The following GPC5 variants were observed in gnomAD, a reference collection of about 807,000 sequenced individuals.
GPC5 encodes glypican-5.
A neutral mutation model predicts 53.9 loss-of-function variants in GPC5; 47 were observed. The ratio of observed to expected loss-of-function variants is 0.87; its 90% CI spans 0.69 to 1.11. The LOEUF is 1.11. GPC5 is among the 50% of genes most tolerant of loss of function. The pLI is 0.00. For missense variants in GPC5, 748 were observed against 713.1 expected (o/e 1.05, Z -0.56); for synonymous variants, 286 against 263.3 (o/e 1.09, Z -0.84).
intron 7 of GPC5, among the ~76,000 whole-genome samples, chr13:92,348,308 G>A (rs936242097): frequency 2.0e-5 from 3 of 151,656 alleles, no homozygotes; most frequent in Admixed American, 1.3e-4. Context: ...AAAAAGAAAA[G>A]CTCAAAAACT....
At chr13:92,422,455 G>T (rs1876607651) in intron 7 of GPC5, among the ~76,000 whole-genome samples, 1 of 150,240 alleles carries the variant, frequency 6.7e-6, no homozygotes, top group Admixed American at 6.7e-5. Flanking sequence ...CAAATTTTAT[G>T]AGATCTTTCT....
At chr13:91,508,148 C>T (rs1221327269) in intron 2 of GPC5, among the ~76,000 whole-genome samples, 1 of 152,036 alleles carries the variant, frequency 6.6e-6, no homozygotes, top group Non-Finnish European at 1.5e-5. Flanking sequence ...AAATGGACAA[C>T]ATTTGGCTTA....
intron 7 of GPC5, among the ~76,000 whole-genome samples, chr13:92,394,831 T>C (rs1000534985): frequency 6.6e-6 from 1 of 152,230 alleles, no homozygotes; most frequent in African/African-American, 2.4e-5. Context: ...TTTTAAATAG[T>C]GTTAGTTTAT....
Position 91,986,255 on chromosome 13 carries a change from C to T in GPC5, c.1401+78198C>T, listed in dbSNP as rs957262228. On this transcript the variant is annotated intron_variant, in intron 6 of 7. Coordinates refer to ENST00000377067, the MANE Select transcript of GPC5 (RefSeq NM_004466.6). Reference sequence around the variant, plus strand: ...TAATTTTTTGTATTTTTAGTAGAGACGGGGTTTCATCATGTTAGCCAGCAT... The same window carrying T: ...TAATTTTTTGTATTTTTAGTAGAGATGGGGTTTCATCATGTTAGCCAGCAT... Among the ~76,000 whole-genome samples, 6 of 151,584 alleles carry T rather than the reference C, an allele frequency of 4.0e-5. 1 individual carries two copies. The highest frequency in any genetic ancestry group is 6.6e-5 in the Admixed American group (1 of 15,236).
intron 2 of GPC5, among the ~76,000 whole-genome samples, chr13:91,453,738 A>G (rs1881348202): frequency 6.6e-6 from 1 of 151,750 alleles, no homozygotes; most frequent in African/African-American, 2.4e-5. Flanking sequence ...GTACTTAGCA[A>G]GAAAATGGTT....
chr13:92,437,281 C>T (rs1044141783), intron 7 of GPC5, among the ~76,000 whole-genome samples: 2 of 152,118 alleles, frequency 1.3e-5, no homozygotes, highest in Non-Finnish European at 2.9e-5. Flanking sequence ...CATTGTCTTA[C>T]TAATAATACT....
At chr13:92,676,268 A>G (rs1886935914) in intron 7 of GPC5, among the ~76,000 whole-genome samples, 1 of 152,164 alleles carries the variant, frequency 6.6e-6, no homozygotes, top group East Asian at 1.9e-4. Flanking sequence ...TTCTATTAAT[A>G]TTATATGAAG....
rs1049851888 is a variant in GPC5, at chr13:92,143,756, G to A, written c.1402-1074G>A. 2.0e-5 allele frequency among the ~76,000 whole-genome samples: 3 copies of A among 152,088 alleles called. No individual in the cohort carries two copies. In the East Asian group the frequency reaches 5.8e-4, roughly 29 times the overall value. On this transcript the variant is annotated intron_variant, in intron 6 of 7. Transcript: ENST00000377067. ...TTTGTAACATGATAAACATATTTATGTTAGATATCCTGAGGCTATTTGACT... is the reference window on the plus strand; with the variant it reads ...TTTGTAACATGATAAACATATTTATATTAGATATCCTGAGGCTATTTGACT...
intron 5 of GPC5, among the ~76,000 whole-genome samples, chr13:91,852,222 TA>T (rs1015155697): frequency 4.4e-4 from 67 of 151,954 alleles, no homozygotes; most frequent in African/African-American, 1.6e-3. Flanking sequence ...TTTTTCTAAT[TA>T]AAAAATTATT....
chr13:92,124,145 A>G (rs2041674096), intron 6 of GPC5, among the ~76,000 whole-genome samples: 2 of 151,290 alleles, frequency 1.3e-5, no homozygotes, highest in Non-Finnish European at 2.9e-5. Flanking sequence ...AAAAAAAAAA[A>G]GCATCCAAAT....
intron 7 of GPC5, among the ~76,000 whole-genome samples, chr13:92,833,045 G>C (rs1431803436): frequency 6.6e-6 from 1 of 151,932 alleles, no homozygotes; most frequent in African/African-American, 2.4e-5. Flanking sequence ...CCACAATTTA[G>C]CACAGTGAGA....
intron 6 of GPC5, among the ~76,000 whole-genome samples, chr13:92,016,412 G>C (rs944679902): frequency 1.3e-5 from 2 of 152,154 alleles, no homozygotes; most frequent in Non-Finnish European, 2.9e-5. Flanking sequence ...CTACGTGACA[G>C]TAATGTTGAG....
At chr13:91,765,505 A>G (rs376759552) in intron 5 of GPC5, among the ~76,000 whole-genome samples, 3 of 152,204 alleles carry the variant, frequency 2.0e-5, no homozygotes, top group African/African-American at 7.2e-5. Flanking sequence ...ATGTACTTGG[A>G]AGTGGTGCAG....
intron 5 of GPC5, among the ~76,000 whole-genome samples, chr13:91,763,155 G>A (rs969056309): frequency 3.3e-5 from 5 of 152,064 alleles, no homozygotes; most frequent in Admixed American, 1.3e-4. Flanking sequence ...TGGTGATAAC[G>A]CTCTGATGGG....
At chr13:91,480,313 A>G (rs1317681112) in intron 2 of GPC5, among the ~76,000 whole-genome samples, 1 of 152,224 alleles carries the variant, frequency 6.6e-6, no homozygotes, top group Admixed American at 6.5e-5. Context: ...GTATGTAGAG[A>G]AATAGAAGAC....
At chr13:91,604,482 TG>T (rs2033291211) in intron 2 of GPC5, among the ~76,000 whole-genome samples, 1 of 150,446 alleles carries the variant, frequency 6.6e-6, no homozygotes, top group Non-Finnish European at 1.5e-5. Flanking sequence ...ATGGGATGGC[TG>T]GGTCAAATGG....
At chr13:91,846,314 C>A (rs1313987545) in intron 5 of GPC5, among the ~76,000 whole-genome samples, 2 of 151,744 alleles carry the variant, frequency 1.3e-5, no homozygotes, top group Non-Finnish European at 2.9e-5. Context: ...GAAAAAAAAA[C>A]AGCAACTAAT....
intron 7 of GPC5, among the ~76,000 whole-genome samples, chr13:92,187,159 A>C (rs941645229): frequency 3.3e-5 from 5 of 152,132 alleles, no homozygotes; most frequent in Admixed American, 3.3e-4. Context: ...AGCATGTATG[A>C]AAACCCTCAA....
intron 7 of GPC5, among the ~76,000 whole-genome samples, chr13:92,350,877 T>C (rs2043471814): frequency 6.6e-6 from 1 of 151,960 alleles, no homozygotes; most frequent in African/African-American, 2.4e-5. Flanking sequence ...AAGTCACTTA[T>C]AAAGGAATAA....
Sources: allele counts gnomAD v4.1 joint callset (sites outside exome capture counted in the v4.1 genomes callset), GRCh38; gene constraint gnomAD v4.1.1; transcripts MANE v1.5; gene names NCBI Gene and HGNC (gene_info 2026-07-23, HGNC 2026-07-21).